TIAM1: variants seen among roughly 807,000 people sequenced by gnomAD.
TIAM1 encodes rho guanine nucleotide exchange factor TIAM1.
A neutral mutation model predicts 163.5 loss-of-function variants in TIAM1; 65 were observed. That is an observed-to-expected ratio of 0.40 (90% CI 0.33 to 0.49). TIAM1 has a LOEUF of 0.49. Ranked by LOEUF, TIAM1 falls within the 20% of genes least tolerant of loss-of-function variation. The pLI, the probability that TIAM1 is intolerant of heterozygous loss-of-function variation, is 0.77. For synonymous variants in TIAM1, 833 were observed against 810.1 expected (o/e 1.03, Z -0.48); for missense variants, 1,789 against 2,044.7 (o/e 0.87, Z 2.41).
At chr21:31,365,185 G>A (rs1027999417) in intron 2 of TIAM1, among the ~76,000 whole-genome samples, 2 of 152,008 alleles carry the variant, frequency 1.3e-5, no homozygotes, top group African/African-American at 4.8e-5. Flanking sequence ...AGTCACTCAG[G>A]ATAGTGATCA....
intron 1 of TIAM1, among the ~76,000 whole-genome samples, chr21:31,473,429 CAAAAAAAAAAAAAAAAAA>C (rs56691495): frequency 1.1e-4 from 8 of 75,678 alleles, no homozygotes; most frequent in Admixed American, 7.3e-4. Flanking sequence ...GACTCCATCT[CAAAAAAAAAAAAAAAAAA>C]AAAAAAAAAA....
intron 2 of TIAM1, among the ~76,000 whole-genome samples, chr21:31,396,583 TA>T (rs201257467): frequency 0.027 from 3,942 of 148,606 alleles, 123 homozygotes; most frequent in East Asian, 0.12. Context: ...ATTAATATAA[TA>T]ATATGAAATA....
At chr21:31,468,482 C>CAA (rs1028649328) in intron 1 of TIAM1, among the ~76,000 whole-genome samples, 8 of 132,616 alleles carry the variant, frequency 6.0e-5, no homozygotes, top group African/African-American at 2.2e-4. Context: ...GACTACCTCT[C>CAA]AAAAAAAAAA....
rs34844399 is a variant in TIAM1 at position 31,438,179 on chromosome 21, C to CTTTTTTT, written c.-369+25797_-369+25803dup. On this transcript the variant is annotated intron_variant, in intron 2 of 28. Transcript: ENST00000286827. ...ACATATGTAATTGCGTATTTGTGAT[C>CTTTTTTT]TTTTTTTTTTTTTTTTTTTTTTTTT... 6.9e-4 allele frequency among the ~76,000 whole-genome samples: 43 copies of CTTTTTTT among 62,716 alleles called. 5 individuals carry two copies. Among genetic ancestry groups the CTTTTTTT allele is most frequent in the African/African-American group, 2.2e-3 (32 of 14,286 alleles). 41.1% of individuals were successfully genotyped at this position (62,716 alleles called of 152,430 possible). A position where few individuals can be genotyped will look rare whatever the true frequency, so the allele number is the denominator to read the frequency against.
intron 1 of TIAM1, among the ~76,000 whole-genome samples, chr21:31,524,329 G>GCCACAC (rs2047707709): frequency 6.6e-6 from 1 of 152,048 alleles, no homozygotes; most frequent in Non-Finnish European, 1.5e-5. Flanking sequence ...AGAGGGAGGT[G>GCCACAC]TCACACTTTA....
At chr21:31,151,138 C>A (rs149911745) in intron 19 of TIAM1, among the ~76,000 whole-genome samples, 65 of 152,312 alleles carry the variant, frequency 4.3e-4, no homozygotes, top group African/African-American at 1.4e-3. Flanking sequence ...AATGGTATAA[C>A]CACTTTGTAA....
At chr21:31,122,814 C>T (rs999057994) in intron 27 of TIAM1, among the ~76,000 whole-genome samples, 1 of 152,146 alleles carries the variant, frequency 6.6e-6, no homozygotes, top group Admixed American at 6.5e-5. Flanking sequence ...TGCTTAAGAA[C>T]CCGGCTACCA....
intron 2 of TIAM1, among the ~76,000 whole-genome samples, chr21:31,392,629 T>C (rs941309688): frequency 1.3e-5 from 2 of 149,874 alleles, no homozygotes; most frequent in Admixed American, 6.6e-5. Flanking sequence ...TATAGTGTTG[T>C]CATTTGTCCC....
chr21:31,271,521 G>T (rs1436578338), intron 3 of TIAM1, among the ~76,000 whole-genome samples: 1 of 152,132 alleles, frequency 6.6e-6, no homozygotes, highest in Non-Finnish European at 1.5e-5. Context: ...GAACTTAGGG[G>T]TGAGGGTGTT....
intron 2 of TIAM1, among the ~76,000 whole-genome samples, chr21:31,337,518 G>GTTGTTA (rs139117633): frequency 2.7e-5 from 4 of 147,258 alleles, no homozygotes; most frequent in Non-Finnish European, 3.0e-5. Flanking sequence ...TATTATTGTT[G>GTTGTTA]TTATTATTAT....
In TIAM1 at chr21:31,272,987, G is replaced by A. The variant is rs180911639; in HGVS notation, c.-12+3745C>T. Among the ~76,000 whole-genome samples the A allele has an allele frequency of 3.0e-3, 456 of 152,220 alleles. 3 individuals are homozygous for A. The highest frequency in any genetic ancestry group is 0.011 in the African/African-American group (437 of 41,536). On this transcript the variant is annotated intron_variant, in intron 3 of 27. Transcript: ENST00000541036. ...AAAAAATAAGTTGTTAATATCTGGT[G>A]CCAGCAAGTTGGAGTAAACCAACTA...
chr21:31,332,794 C>CAA (rs563454311), intron 2 of TIAM1, among the ~76,000 whole-genome samples: 1 of 130,816 alleles, frequency 7.6e-6, no homozygotes. Flanking sequence ...CAATGATCTA[C>CAA]AAAAAAAAAA....
chr21:31,383,915 A>C (rs1018063389), intron 2 of TIAM1, among the ~76,000 whole-genome samples: 3 of 152,188 alleles, frequency 2.0e-5, no homozygotes, highest in African/African-American at 7.2e-5. Flanking sequence ...GCAAATCATC[A>C]GAACAATCTG....
intron 12 of TIAM1, among the ~76,000 whole-genome samples, chr21:31,201,893 T>C (rs1335541990): frequency 6.6e-6 from 1 of 152,224 alleles, no homozygotes; most frequent in African/African-American, 2.4e-5. Context: ...AAAGAGCTTG[T>C]CACTGGGCTT....
At chr21:31,164,234 C>CA (rs1017592492) in intron 16 of TIAM1, among the ~76,000 whole-genome samples, 35 of 151,958 alleles carry the variant, frequency 2.3e-4, no homozygotes, top group Non-Finnish European at 4.0e-4. Flanking sequence ...ACTAAAAATA[C>CA]AAAAAATTAG....
At chr21:31,497,380 A>G (rs1258346805) in intron 1 of TIAM1, among the ~76,000 whole-genome samples, 5 of 152,250 alleles carry the variant, frequency 3.3e-5, no homozygotes. Context: ...CGTTATACTG[A>G]TATGATCTTT....
chr21:31,270,797 T>C (rs1191131235), intron 3 of TIAM1, among the ~76,000 whole-genome samples: 1 of 152,228 alleles, frequency 6.6e-6, no homozygotes, highest in Non-Finnish European at 1.5e-5. Context: ...ATTCTTCTTC[T>C]TCCAATGTGG....
At chr21:31,299,423 T>C (rs2074418415) in intron 2 of TIAM1, among the ~76,000 whole-genome samples, 1 of 152,222 alleles carries the variant, frequency 6.6e-6, no homozygotes, top group Non-Finnish European at 1.5e-5. Context: ...CAACTGTTAT[T>C]TCTTGTTGGG....
chr21:31,530,444 A>G (rs2047934150), intron 1 of TIAM1, among the ~76,000 whole-genome samples: 1 of 152,258 alleles, frequency 6.6e-6, no homozygotes, highest in South Asian at 2.1e-4. Flanking sequence ...CGTCAATGCT[A>G]TTCTGTCTCC....
Sources: gnomAD v4.1 joint callset for allele counts (sites outside exome capture counted in the v4.1 genomes callset) on GRCh38, gnomAD v4.1.1 for gene constraint, MANE v1.5 for transcripts, NCBI Gene and HGNC (gene_info 2026-07-23, HGNC 2026-07-21) for gene names.